The following GRIN2B variants were observed in gnomAD, a reference collection of about 807,000 sequenced individuals.
GRIN2B encodes glutamate ionotropic receptor NMDA type subunit 2B.
Under a neutral mutation model 114.5 loss-of-function variants are expected in GRIN2B, and 5 were observed. The ratio of observed to expected loss-of-function variants is 0.04; its 90% CI spans 0.02 to 0.09. The LOEUF (loss-of-function observed/expected upper bound fraction) is 0.09. GRIN2B is among the 10% of genes least tolerant of loss of function. The pLI is 1.00. For missense variants in GRIN2B, 1,108 were observed against 1,943.5 expected (o/e 0.57, Z 8.08); for synonymous variants, 787 against 745.1 (o/e 1.06, Z -0.92).
At chr12:13,761,554 C>G (rs1344683028) in intron 3 of GRIN2B, among the ~76,000 whole-genome samples, 1 of 152,206 alleles carries the variant, frequency 6.6e-6, no homozygotes, top group Non-Finnish European at 1.5e-5. Context: ...AGTAAGAGCA[C>G]TTTGAGAATG....
intron 4 of GRIN2B, among the ~76,000 whole-genome samples, chr12:13,752,418 T>A (rs181036306): frequency 4.1e-4 from 62 of 152,364 alleles, no homozygotes; most frequent in Non-Finnish European, 7.1e-4. Context: ...TCTAGAAAGA[T>A]GTTCACGAAT....
intron 4 of GRIN2B, among the ~76,000 whole-genome samples, chr12:13,697,057 T>G (rs534905277): frequency 7.2e-5 from 11 of 152,218 alleles, no homozygotes; most frequent in African/African-American, 2.6e-4. Context: ...GGGTAATAAG[T>G]GCCTGAATGA....
chr12:13,793,205 G>A (rs990323128), intron 3 of GRIN2B, among the ~76,000 whole-genome samples: 2 of 152,126 alleles, frequency 1.3e-5, no homozygotes, highest in East Asian at 1.9e-4. Context: ...CCAGGAGCTC[G>A]AGGCCAGGAG....
In GRIN2B at chr12:13,753,242, T is replaced by G; in HGVS notation, c.1010+75A>C. ...GTCTTGAACTGTTCTTCCTGCAGTT[T>G]CTGAACTTCCAACCCCAGTCTTTGA... On this transcript the variant is annotated intron_variant, in intron 4 of 13. Transcript: ENST00000609686. The surrounding 1 kb of genome is among the most constrained non-coding windows in gnomAD (Gnocchi z 6.2). 1 of 908,856 alleles carries G rather than the reference T, an allele frequency of 1.1e-6. No individual in the cohort carries two copies. The highest frequency in any genetic ancestry group is 1.9e-6 in the Non-Finnish European group (1 of 537,852). The allele number at this position is 908,856 out of a possible 1,614,324, so 56.3% of individuals were successfully genotyped here.
intron 2 of GRIN2B, among the ~76,000 whole-genome samples, chr12:13,887,076 C>T (rs1420110753): frequency 2.6e-5 from 4 of 152,144 alleles, no homozygotes; most frequent in Non-Finnish European, 5.9e-5. Context: ...AATGCGCATG[C>T]TCTTAATCAC....
chr12:13,779,494 A>C (rs1565534276), intron 3 of GRIN2B, among the ~76,000 whole-genome samples: 1 of 152,258 alleles, frequency 6.6e-6, no homozygotes, highest in Non-Finnish European at 1.5e-5. Context: ...AGCCTGGTGG[A>C]TATATTAAAA....
At chr12:13,624,345 C>A (rs1359258376) in intron 5 of GRIN2B, among the ~76,000 whole-genome samples, 2 of 152,182 alleles carry the variant, frequency 1.3e-5, no homozygotes, top group African/African-American at 4.8e-5. Flanking sequence ...AGTGTTCTTT[C>A]TTCCATGAAA....
intron 5 of GRIN2B, among the ~76,000 whole-genome samples, chr12:13,619,272 A>G (rs528823267): frequency 1.3e-5 from 2 of 152,354 alleles, no homozygotes; most frequent in East Asian, 1.9e-4. Flanking sequence ...TGATGTTTTA[A>G]AAAGCAATTG....
intron 3 of GRIN2B, among the ~76,000 whole-genome samples, chr12:13,784,806 A>G (rs993670533): frequency 3.9e-5 from 6 of 152,324 alleles, no homozygotes; most frequent in African/African-American, 1.4e-4. Flanking sequence ...GTAACCAGCC[A>G]ACACTGAAAC....
At chr12:13,711,727 C>T (rs535011928) in intron 4 of GRIN2B, among the ~76,000 whole-genome samples, 16 of 152,194 alleles carry the variant, frequency 1.1e-4, no homozygotes, top group African/African-American at 3.1e-4. Context: ...AGTCAGGAAA[C>T]GACAGGTGCT....
At chr12:13,651,572 G>A (rs1209170607) in intron 5 of GRIN2B, among the ~76,000 whole-genome samples, 3 of 152,022 alleles carry the variant, frequency 2.0e-5, no homozygotes, top group Non-Finnish European at 2.9e-5. Context: ...TAGAAATTCT[G>A]GAAGTGAAAT....
At chr12:13,891,436 T>C (rs1002023567) in intron 2 of GRIN2B, among the ~76,000 whole-genome samples, 6 of 152,252 alleles carry the variant, frequency 3.9e-5, no homozygotes, top group African/African-American at 1.4e-4. Context: ...ATAATGGTCA[T>C]TGTAAGGCAT....
intron 5 of GRIN2B, among the ~76,000 whole-genome samples, chr12:13,621,378 A>G (rs952353027): frequency 6.6e-6 from 1 of 152,162 alleles, no homozygotes; most frequent in Non-Finnish European, 1.5e-5. Context: ...TGAAGAATTT[A>G]TGCTTGAGAT....
chr12:13,751,782 T>C (rs902483392), intron 4 of GRIN2B, among the ~76,000 whole-genome samples: 1 of 152,056 alleles, frequency 6.6e-6, no homozygotes, highest in Non-Finnish European at 1.5e-5. Flanking sequence ...AGATGTCACT[T>C]TGGAAAATAT....
At chr12:13,862,077 G>C (rs557912369) in intron 3 of GRIN2B, among the ~76,000 whole-genome samples, 4 of 152,248 alleles carry the variant, frequency 2.6e-5, no homozygotes, top group Admixed American at 2.6e-4. Flanking sequence ...ATCCAGCTTG[G>C]ACTCTAAATT....
intron 4 of GRIN2B, among the ~76,000 whole-genome samples, chr12:13,704,073 G>T (rs11055593): frequency 1.3e-5 from 2 of 152,168 alleles, no homozygotes; most frequent in Non-Finnish European, 2.9e-5. Flanking sequence ...ATTAGTCAGA[G>T]ATTTATCAGA....
At chr12:13,586,587 T>C (rs534584861) in intron 10 of GRIN2B, among the ~76,000 whole-genome samples, 2 of 152,124 alleles carry the variant, frequency 1.3e-5, no homozygotes, top group Non-Finnish European at 2.9e-5. Context: ...GAAGAAGTCA[T>C]TGCCAAATAG....
At chr12:13,830,857 C>T (rs1865132308) in intron 3 of GRIN2B, among the ~76,000 whole-genome samples, 1 of 152,200 alleles carries the variant, frequency 6.6e-6, no homozygotes, top group Non-Finnish European at 1.5e-5. Flanking sequence ...GTCATCTGCC[C>T]TGCCTTATCA....
Position 13,753,201 on chromosome 12 carries a change from G to A in GRIN2B, c.1010+116C>T, listed in dbSNP as rs1325818432. ...GACCAATTGCCATGCCCAAGGCCAGGCTTCAACCTGCTACCGTCTTGAACT... is the reference window on the plus strand; with the variant it reads ...GACCAATTGCCATGCCCAAGGCCAGACTTCAACCTGCTACCGTCTTGAACT... On this transcript the variant is annotated intron_variant, in intron 4 of 13. Transcript: ENST00000609686. This position sits in a 1 kb window ranked among gnomAD's most constrained non-coding sequence, Gnocchi z 6.2. The A allele has an allele frequency of 1.3e-6, 1 of 794,896 alleles. No individual in the cohort carries two copies. 49.2% of individuals were successfully genotyped at this position (794,896 alleles called of 1,614,324 possible).
Sources: gnomAD v4.1 joint callset for allele counts (sites outside exome capture counted in the v4.1 genomes callset) on GRCh38, gnomAD v4.1.1 for gene constraint, Gnocchi (gnomAD v3.1) non-coding constraint, MANE v1.5 for transcripts, NCBI Gene and HGNC (gene_info 2026-07-23, HGNC 2026-07-21) for gene names.